LRRIQ1: variants seen among roughly 807,000 people sequenced by gnomAD.
The protein encoded by LRRIQ1 is leucine-rich repeat- and IQ domain-containing protein 1.
A neutral mutation model predicts 211.9 loss-of-function variants in LRRIQ1; 210 were observed. The ratio of observed to expected loss-of-function variants is 0.99; its 90% CI spans 0.89 to 1.11. The LOEUF (loss-of-function observed/expected upper bound fraction) is 1.11. Ranked by LOEUF, LRRIQ1 falls within the 50% of genes most tolerant of loss-of-function variation. The pLI, the probability that LRRIQ1 is intolerant of heterozygous loss-of-function variation, is 0.00. For missense variants in LRRIQ1, 2,136 were observed against 1,939.5 expected (o/e 1.10, Z -1.90); for synonymous variants, 699 against 650.1 (o/e 1.08, Z -1.14).
rs1245391156 is a variant in LRRIQ1, at chr12:85,153,670, A to G, written c.4549A>G (p.Asn1517Asp). 6.3e-7 allele frequency: 1 copy of G among 1,581,162 alleles called. No individual in the cohort carries two copies. Among genetic ancestry groups the G allele is most frequent in the East Asian group, 2.3e-5 (1 of 44,156 alleles). The change falls in exon 22 of 27, where the codon AAT becomes GAT. Residue 1517 changes from asparagine to aspartate, a missense_variant. Physicochemically the swap from Asn to Asp is conservative, Grantham distance 23. Coordinates refer to ENST00000393217, the MANE Select transcript of LRRIQ1 (RefSeq NM_001079910.2). ...GTTTTTTTCTATTGCCAGATCAGAA[A>G]ATAAAACTTCTTCCTGGACACCTGA... ...EHTQFNSRSE[N>D]KTSSWTPESK...
At chr12:85,055,327 T>G (rs1880859609) in intron 7 of LRRIQ1, among the ~76,000 whole-genome samples, 1 of 152,096 alleles carries the variant, frequency 6.6e-6, no homozygotes, top group African/African-American at 2.4e-5. Context: ...TTAGAATACA[T>G]GTAACATTAG....
chr12:85,252,348 G>C (rs1265594736), intron 1 of LRRIQ1, among the ~76,000 whole-genome samples: 1 of 151,862 alleles, frequency 6.6e-6, no homozygotes, highest in Non-Finnish European at 1.5e-5. Flanking sequence ...TTAATCCATA[G>C]CTAGATGCTT....
At chr12:85,159,395 C>T (rs547017079) in intron 23 of LRRIQ1, 1 of 151,922 alleles carries the variant, frequency 6.6e-6, no homozygotes, top group African/African-American at 2.4e-5. Flanking sequence ...TTGTTGATGT[C>T]ATAATTATGT....
intron 24 of LRRIQ1, among the ~76,000 whole-genome samples, chr12:85,170,512 T>C (rs978187541): frequency 2.0e-5 from 3 of 150,466 alleles, no homozygotes; most frequent in Non-Finnish European, 3.0e-5. Flanking sequence ...TAAATATATA[T>C]ATAACATATA....
At chr12:85,202,417 G>A (rs1019820913) in intron 24 of LRRIQ1, among the ~76,000 whole-genome samples, 1 of 152,040 alleles carries the variant, frequency 6.6e-6, no homozygotes, top group Admixed American at 6.6e-5. Context: ...TGCTATCTAA[G>A]CCTCTTCATA....
intron 24 of LRRIQ1, among the ~76,000 whole-genome samples, chr12:85,167,710 C>A (rs1324045278): frequency 2.0e-5 from 3 of 152,148 alleles, no homozygotes; most frequent in Non-Finnish European, 4.4e-5. Context: ...TTTGGCAACA[C>A]CCTCACAGAC....
At chr12:85,037,536 TTGAG>T (rs1406435089) in intron 1 of LRRIQ1, among the ~76,000 whole-genome samples, 3 of 152,044 alleles carry the variant, frequency 2.0e-5, no homozygotes, top group South Asian at 2.1e-4. Flanking sequence ...TTTTTTATTT[TTGAG>T]TGAGTGAGTG....
chr12:85,217,614 A>G (rs1244480768), intron 24 of LRRIQ1, among the ~76,000 whole-genome samples: 1 of 135,558 alleles, frequency 7.4e-6, no homozygotes, highest in African/African-American at 3.1e-5. Context: ...ATATGTGTAT[A>G]TATATGTATA....
In LRRIQ1 at chr12:85,169,207, A is replaced by G. The variant is rs536287067; in HGVS notation, c.4822+8493A>G. 2.0e-5 allele frequency among the ~76,000 whole-genome samples: 3 copies of G among 152,322 alleles called. No individual in the cohort carries two copies. In the South Asian group the frequency reaches 6.2e-4, roughly 32 times the overall value. The stretch of plus-strand genomic sequence containing the variant: ...TCAGTAGAAATCTGCCTGCATTTGC[A>G]AGGAATGAAGGATAAAATAGCAAAA... On this transcript the variant is annotated intron_variant, in intron 24 of 26. Transcript: ENST00000393217.
intron 24 of LRRIQ1, among the ~76,000 whole-genome samples, chr12:85,185,538 C>G (rs1016433073): frequency 2.0e-5 from 3 of 151,600 alleles, no homozygotes; most frequent in Non-Finnish European, 4.4e-5. Flanking sequence ...TAAGTTACAG[C>G]AATAACAAAA....
chr12:85,065,260 A>T lies in LRRIQ1; in HGVS notation c.2392-2A>T. On this transcript the variant is annotated splice_acceptor_variant, in intron 8 of 26. Coordinates refer to ENST00000393217, the MANE Select transcript of LRRIQ1 (RefSeq NM_001079910.2). LOFTEE classifies it high-confidence loss of function. Reference sequence around the variant, plus strand: ...ACACTCCAATTTTCTTGGTTCCTCTAGGTTACAACAGTTACATTTCAAGAT... The same window carrying T: ...ACACTCCAATTTTCTTGGTTCCTCTTGGTTACAACAGTTACATTTCAAGAT... 1 of 1,603,144 alleles carries T rather than the reference A, an allele frequency of 6.2e-7. No individual in the cohort carries two copies. The highest frequency in any genetic ancestry group is 8.5e-7 in the Non-Finnish European group (1 of 1,174,580).
intron 19 of LRRIQ1, among the ~76,000 whole-genome samples, chr12:85,141,579 C>CTTT (rs34401786): frequency 3.8e-5 from 5 of 132,776 alleles, no homozygotes; most frequent in African/African-American, 1.4e-4. Flanking sequence ...CCTACAGCAG[C>CTTT]TTTTTTTTTT....
intron 24 of LRRIQ1, among the ~76,000 whole-genome samples, chr12:85,162,567 T>G (rs1890941289): frequency 6.6e-6 from 1 of 152,208 alleles, no homozygotes; most frequent in Non-Finnish European, 1.5e-5. Context: ...CTTGTTCTAT[T>G]AAATGTGAAG....
At position 85,124,168 on chromosome 12, in the gene LRRIQ1, A is replaced by T; in HGVS notation, c.3656A>T (p.Asp1219Val). ...TACCGACATGCACACGAACGAGGGGATGTAACTATCACCAAGAAAGATGAA... is the reference window on the plus strand; with the variant it reads ...TACCGACATGCACACGAACGAGGGGTTGTAACTATCACCAAGAAAGATGAA... ...TEYRHAHERG[D>V]VTITKKDESE... Residue 1219 changes from aspartate (D) to valine (V), a missense_variant, in exon 17 of 27, where the codon GAT becomes GTT. Coordinates refer to ENST00000393217, the MANE Select transcript of LRRIQ1 (RefSeq NM_001079910.2). The T allele has an allele frequency of 6.2e-7, 1 of 1,614,132 alleles. No homozygotes were observed. Among genetic ancestry groups the T allele is most frequent in the Non-Finnish European group, 8.5e-7 (1 of 1,180,018 alleles).
intron 24 of LRRIQ1, among the ~76,000 whole-genome samples, chr12:85,207,258 A>G (rs1326566310): frequency 6.6e-6 from 1 of 150,814 alleles, no homozygotes; most frequent in Non-Finnish European, 1.5e-5. Context: ...CCCTCCGTCC[A>G]CTCTCAATGC....
downstream of LRRIQ1, among the ~76,000 whole-genome samples, chr12:85,248,366 C>T (rs1895796216): frequency 6.6e-6 from 1 of 151,398 alleles, no homozygotes; most frequent in Non-Finnish European, 1.5e-5. Flanking sequence ...TTTCTATGGA[C>T]TAAAACATAT....
intron 3 of LRRIQ1, among the ~76,000 whole-genome samples, chr12:85,042,732 CAAAT>C (rs1228706192): frequency 6.6e-6 from 1 of 151,474 alleles, no homozygotes; most frequent in Non-Finnish European, 1.5e-5. Context: ...AAGTGAAAAA[CAAAT>C]CAATAATATG....
intron 15 of LRRIQ1, among the ~76,000 whole-genome samples, chr12:85,109,994 A>G (rs77318460): frequency 0.021 from 3,126 of 152,194 alleles, 139 homozygotes; most frequent in East Asian, 0.2. Flanking sequence ...CTGAATCCCC[A>G]GTAGTAAAAT....
At chr12:85,195,000 C>A (rs1203067152) in intron 24 of LRRIQ1, among the ~76,000 whole-genome samples, 1 of 151,962 alleles carries the variant, frequency 6.6e-6, no homozygotes, top group Non-Finnish European at 1.5e-5. Context: ...ATATCACCAC[C>A]GATCCCACAG....
Sources: gnomAD v4.1 joint callset for allele counts (sites outside exome capture counted in the v4.1 genomes callset) on GRCh38, gnomAD v4.1.1 for gene constraint, MANE v1.5 for transcripts, NCBI Gene and HGNC (gene_info 2026-07-23, HGNC 2026-07-21) for gene names.